DLGAP4: variants seen among roughly 807,000 people sequenced by gnomAD.
The protein encoded by DLGAP4 is disks large-associated protein 4.
A neutral mutation model predicts 86.9 loss-of-function variants in DLGAP4; 18 were observed. The ratio of observed to expected loss-of-function variants is 0.21; its 90% confidence interval spans 0.14 to 0.31. The LOEUF (loss-of-function observed/expected upper bound fraction) is 0.31, where lower values mean the gene tolerates loss of function less well. DLGAP4 is among the 10% of genes least tolerant of loss of function. The pLI, the probability that DLGAP4 is intolerant of heterozygous loss-of-function variation, is 1.00. For missense variants in DLGAP4, 1,085 were observed against 1,362.6 expected (o/e 0.80, Z 3.21); for synonymous variants, 548 against 574.3 (o/e 0.95, Z 0.65).
At chr20:36,463,686 G>T (rs1032687740) in intron 7 of DLGAP4, among the ~76,000 whole-genome samples, 1 of 152,224 alleles carries the variant, frequency 6.6e-6, no homozygotes, top group East Asian at 1.9e-4. Flanking sequence ...TTAAGGGTGG[G>T]CCCTGCTTGG....
At chr20:36,364,482 CTG>C (rs1467657603) in intron 1 of DLGAP4, among the ~76,000 whole-genome samples, 2 of 152,328 alleles carry the variant, frequency 1.3e-5, no homozygotes, top group Non-Finnish European at 2.9e-5. Context: ...GGTTGTGTAT[CTG>C]TTACCACAAT....
At position 36,442,757 on chromosome 20, in the gene DLGAP4, T is replaced by TTGTTTGGCCATGAGCAGCAGGTCAGTA. The variant is rs1324327575; in HGVS notation, c.1394_1407+13dup. The TTGTTTGGCCATGAGCAGCAGGTCAGTA allele has an allele frequency of 2.5e-6, 4 of 1,614,052 alleles. No individual in the cohort carries two copies. In the African/African-American group the frequency reaches 5.3e-5, roughly 22 times the overall value. On this transcript the variant is annotated inframe_insertion, in exon 6 of 13. Coordinates refer to ENST00000339266, the MANE Select transcript of DLGAP4 (RefSeq NM_001365621.2). ...TGGACAGGCCTCCCTGATCCCCCAG[T>TTGTTTGGCCATGAGCAGCAGGTCAGTA]TGTTTGGCCATGAGCAGCAGGTCAG...
chr20:36,382,455 G>A (rs1429900752), intron 2 of DLGAP4, among the ~76,000 whole-genome samples: 1 of 150,388 alleles, frequency 6.6e-6, no homozygotes, highest in Non-Finnish European at 1.5e-5. Context: ...TCAAACTTTT[G>A]GTCTCTAACG....
chr20:36,447,826 T>G (rs1479205976), intron 7 of DLGAP4, among the ~76,000 whole-genome samples: 2 of 137,522 alleles, frequency 1.5e-5, no homozygotes, highest in African/African-American at 5.5e-5. Context: ...AATTGCATGT[T>G]CTCACTCATA....
intron 7 of DLGAP4, 136 bp downstream of exon 7, chr20:36,447,073 C>T: frequency 7.0e-7 from 1 of 1,437,320 alleles, no homozygotes; most frequent in South Asian, 1.5e-5. Context: ...TGGTTGGGAG[C>T]AAAAGCAGGA....
At chr20:36,361,225 G>C (rs1196405140) in intron 1 of DLGAP4, among the ~76,000 whole-genome samples, 1 of 152,150 alleles carries the variant, frequency 6.6e-6, no homozygotes, top group Non-Finnish European at 1.5e-5. Context: ...AGGGAACTCC[G>C]TCAGTGCTAT....
At chr20:36,525,566 C>A (rs750570787) in intron 11 of DLGAP4, 24 of 491,478 alleles carry the variant, frequency 4.9e-5, no homozygotes, top group Non-Finnish European at 8.1e-5. Context: ...CTGTTTCTTC[C>A]CTGCAAAACG....
Position 36,306,366 on chromosome 20 carries a change from C to T in DLGAP4, c.-450C>T, listed in dbSNP as rs2065002303. Reference sequence around the variant, plus strand: ...AGCCGCATCTGGGGCGCCGCGCCGGCCGGAGGAGAGGCATGGGGCGCCCGC... The same window carrying T: ...AGCCGCATCTGGGGCGCCGCGCCGGTCGGAGGAGAGGCATGGGGCGCCCGC... On this transcript the variant is annotated 5_prime_UTR_variant, in exon 1 of 13. Transcript: ENST00000339266. This position sits in a 1 kb window ranked among gnomAD's most constrained non-coding sequence, Gnocchi z 4.9. The T allele has an allele frequency of 6.7e-6, 1 of 149,932 alleles. No individual in the cohort carries two copies. The highest frequency in any genetic ancestry group is 1.9e-4 in the South Asian group (1 of 5,146). 9.3% of individuals were successfully genotyped at this position (149,932 alleles called of 1,614,324 possible). A position where few individuals can be genotyped will look rare whatever the true frequency, so the allele number is the denominator to read the frequency against.
intron 7 of DLGAP4, among the ~76,000 whole-genome samples, chr20:36,477,040 A>G (rs1365831985): frequency 6.6e-6 from 1 of 150,400 alleles, no homozygotes; most frequent in African/African-American, 2.4e-5. Flanking sequence ...AGCTGAGGGG[A>G]ATGCTCTGAA....
At chr20:36,424,738 G>GTTT (rs34145008) in intron 2 of DLGAP4, among the ~76,000 whole-genome samples, 2 of 139,324 alleles carry the variant, frequency 1.4e-5, no homozygotes, top group Non-Finnish European at 3.1e-5. Context: ...TGTTTTGTTT[G>GTTT]TTTTTTTTTT....
intron 2 of DLGAP4, among the ~76,000 whole-genome samples, chr20:36,404,112 G>A (rs908808546): frequency 2.0e-5 from 3 of 152,222 alleles, no homozygotes; most frequent in African/African-American, 7.2e-5. Flanking sequence ...CAGGAGACGA[G>A]ACTCATCAGG....
rs542161850 is a variant in DLGAP4, at chr20:36,360,121, A to G, written c.-303-6924A>G. Reference sequence around the variant, plus strand: ...CAGACACTGTGCTAAGAGATATACTATGTGTATGCATTAGCTCTGCCCTCA... The same window carrying G: ...CAGACACTGTGCTAAGAGATATACTGTGTGTATGCATTAGCTCTGCCCTCA... On this transcript the variant is annotated intron_variant, in intron 1 of 12. Coordinates refer to ENST00000339266, the MANE Select transcript of DLGAP4 (RefSeq NM_001365621.2). Among the ~76,000 whole-genome samples the G allele has an allele frequency of 1.6e-4, 24 of 152,282 alleles. 1 individual carries two copies. The South Asian group carries it at 5.0e-3, about 32-fold the overall frequency.
At chr20:36,402,532 G>A (rs2032192354) in intron 2 of DLGAP4, among the ~76,000 whole-genome samples, 1 of 152,082 alleles carries the variant, frequency 6.6e-6, no homozygotes, top group South Asian at 2.1e-4. Flanking sequence ...AAGATTGCTT[G>A]AACCCAGGGG....
At chr20:36,323,094 C>G (rs2065184664) in intron 1 of DLGAP4, among the ~76,000 whole-genome samples, 1 of 143,140 alleles carries the variant, frequency 7.0e-6, no homozygotes, top group South Asian at 2.3e-4. Flanking sequence ...GGGAGGATCG[C>G]TTGAGCCTGG....
chr20:36,445,490 C>T (rs1600539513), intron 6 of DLGAP4, among the ~76,000 whole-genome samples: 1 of 152,166 alleles, frequency 6.6e-6, no homozygotes, highest in Admixed American at 6.5e-5. Context: ...GGAGACAAAG[C>T]GAGATTCCAT....
In DLGAP4 at chr20:36,500,170, T is replaced by TCCCCCC; in HGVS notation, c.2100-25_2100-24insCCCCCC. The TCCCCCC allele has an allele frequency of 6.6e-7, 1 of 1,515,740 alleles. No homozygotes were observed. The highest frequency in any genetic ancestry group is 2.3e-5 in the East Asian group (1 of 43,006). The allele number at this position is 1,515,740 out of a possible 1,614,324, so 93.9% of individuals were successfully genotyped here. On this transcript the variant is annotated intron_variant, in intron 9 of 12. Transcript: ENST00000339266. The surrounding 1 kb of genome is among the most constrained non-coding windows in gnomAD (Gnocchi z 4.6). ...CCTCTTGGTGACTCACTCCTTCCTG[T>TCCCCCC]CCCCACCCCATCCACCCCCTACCCA...
intron 2 of DLGAP4, among the ~76,000 whole-genome samples, chr20:36,422,083 G>A (rs2032845686): frequency 6.6e-6 from 1 of 152,084 alleles, no homozygotes; most frequent in African/African-American, 2.4e-5. Context: ...ACACAGCCAT[G>A]GCGCAACACA....
intron 10 of DLGAP4, among the ~76,000 whole-genome samples, chr20:36,502,158 CCT>C: frequency 6.6e-6 from 1 of 152,298 alleles, no homozygotes; most frequent in Non-Finnish European, 1.5e-5. Flanking sequence ...TTTCTCCCAC[CCT>C]CTGTGTACAT....
rs376368612 is a variant in DLGAP4 at position 36,406,176 on chromosome 20, A to G, written c.-72-25470A>G. Among the ~76,000 whole-genome samples the G allele has an allele frequency of 1.5e-4, 23 of 152,262 alleles. No homozygotes were observed. In the East Asian group the frequency reaches 1.9e-3, roughly 13 times the overall value. On this transcript the variant is annotated intron_variant, in intron 2 of 12. Coordinates refer to ENST00000339266, the MANE Select transcript of DLGAP4 (RefSeq NM_001365621.2). ...CACTTTGGGAGGCCCAGGCGGGTGG[A>G]TCACGAGGTCAGGAGATCAAGACCA...
Sources: gnomAD v4.1 joint callset for allele counts (sites outside exome capture counted in the v4.1 genomes callset) on GRCh38, gnomAD v4.1.1 for gene constraint, Gnocchi (gnomAD v3.1) non-coding constraint, MANE v1.5 for transcripts, NCBI Gene and HGNC (gene_info 2026-07-23, HGNC 2026-07-21) for gene names.